The following EXT1 variants were observed in gnomAD, a reference collection of about 807,000 sequenced individuals.
The protein encoded by EXT1 is exostosin-1.
In EXT1, 20 loss-of-function variants were observed where a neutral mutation model predicts 82.5. That is an observed-to-expected ratio of 0.24 (90% CI 0.17 to 0.35). EXT1 has a LOEUF of 0.35. Ranked by LOEUF, EXT1 falls within the 10% of genes least tolerant of loss-of-function variation. The pLI, the probability that EXT1 is intolerant of heterozygous loss-of-function variation, is 1.00. For synonymous variants in EXT1, 348 were observed against 350.8 expected (o/e 0.99, Z 0.09); for missense variants, 757 against 936.5 (o/e 0.81, Z 2.50).
In EXT1 at chr8:117,995,450, G is replaced by A. The variant is rs17451196; in HGVS notation, c.962+114635C>T. ...ATTTTTCTGGATTGGTGACCTGCTG[G>A]GTATGCGGCTGGTTTTCAATATGCA... On this transcript the variant is annotated intron_variant, in intron 1 of 10. Transcript: ENST00000378204. Among the ~76,000 whole-genome samples the A allele has an allele frequency of 1.1e-4, 16 of 152,242 alleles. No homozygotes were observed. The East Asian group carries it at 3.1e-3, about 29-fold the overall frequency.
chr8:118,056,610 G>A (rs1009562824), intron 1 of EXT1, among the ~76,000 whole-genome samples: 1 of 152,170 alleles, frequency 6.6e-6, no homozygotes, highest in African/African-American at 2.4e-5. Context: ...GGGTGAAGGA[G>A]AGAAAGGTCT....
chr8:117,980,763 C>G (rs1815181376), intron 1 of EXT1, among the ~76,000 whole-genome samples: 1 of 131,182 alleles, frequency 7.6e-6, no homozygotes. Flanking sequence ...AAACTTCGCT[C>G]TGGTTTTCCA....
rs148928113 is a variant in EXT1 at position 117,944,191 on chromosome 8, C to G, written c.963-106990G>C. Among the ~76,000 whole-genome samples, 506 of 152,208 alleles carry G rather than the reference C, an allele frequency of 3.3e-3. 1 individual carries two copies. The highest frequency in any genetic ancestry group is 0.011 in the African/African-American group (470 of 41,528). ...CCCAGACAGGCAGATCACTTGAAGTCAGGAGACCAGCCTGGCCAACAGGGC... is the reference window on the plus strand; with the variant it reads ...CCCAGACAGGCAGATCACTTGAAGTGAGGAGACCAGCCTGGCCAACAGGGC... On this transcript the variant is annotated intron_variant, in intron 1 of 10. Transcript: ENST00000378204.
At chr8:118,045,887 C>G (rs28608716) in intron 1 of EXT1, among the ~76,000 whole-genome samples, 5,790 of 152,040 alleles carry the variant, frequency 0.038, 153 homozygotes, top group Middle Eastern at 0.068. Context: ...CCTTCAACTC[C>G]CAGGTTGAAG....
intron 1 of EXT1, among the ~76,000 whole-genome samples, chr8:117,943,857 T>C (rs912232636): frequency 1.3e-5 from 2 of 152,200 alleles, no homozygotes; most frequent in Non-Finnish European, 2.9e-5. Context: ...TCTTCTAGTG[T>C]CATTCCTGTT....
intron 1 of EXT1, among the ~76,000 whole-genome samples, chr8:118,024,536 A>G (rs1415359414): frequency 6.6e-6 from 1 of 152,210 alleles, no homozygotes; most frequent in East Asian, 1.9e-4. Context: ...AAAAGAAAAA[A>G]AAAAACAGCT....
intron 1 of EXT1, among the ~76,000 whole-genome samples, chr8:118,005,918 T>A (rs1815765958): frequency 6.6e-6 from 1 of 152,180 alleles, no homozygotes; most frequent in Non-Finnish European, 1.5e-5. Context: ...ACAAGAAGTG[T>A]CCATCAAAGC....
intron 1 of EXT1, among the ~76,000 whole-genome samples, chr8:117,925,803 T>C (rs1044293378): frequency 2.0e-5 from 3 of 148,844 alleles, no homozygotes; most frequent in African/African-American, 7.4e-5. Context: ...GAGGCTGAGG[T>C]GGGAGGATCA....
At chr8:118,081,946 A>C (rs1817340410) in intron 1 of EXT1, among the ~76,000 whole-genome samples, 1 of 152,214 alleles carries the variant, frequency 6.6e-6, no homozygotes, top group Non-Finnish European at 1.5e-5. Context: ...AGCCAGATAT[A>C]AGGTAAATAT....
Position 118,110,125 on chromosome 8 carries a change from T to G in EXT1, c.922A>C (p.Lys308Gln). Reference sequence around the variant, plus strand: ...TTGTCTCTGTCACAGCGAGAATCCTTGTGCTTTTGCCAGTCTTTGCCATGC... The same window carrying G: ...TTGTCTCTGTCACAGCGAGAATCCTGGTGCTTTTGCCAGTCTTTGCCATGC... ...CKHGKDWQKH[K>Q]DSRCDRDNTE... The change falls in exon 1 of 11, where the codon AAG becomes CAG. Residue 308 changes from lysine to glutamine, a missense_variant. Physicochemically the swap from Lys to Gln is moderately conservative, Grantham distance 53 (BLOSUM62 1). Coordinates refer to ENST00000378204, the MANE Select transcript of EXT1 (RefSeq NM_000127.3). 2 of 1,614,206 alleles carry G rather than the reference T, an allele frequency of 1.2e-6. No homozygotes were observed. The highest frequency in any genetic ancestry group is 1.7e-6 in the Non-Finnish European group (2 of 1,180,042).
chr8:118,018,429 G>C (rs968652242), intron 1 of EXT1, among the ~76,000 whole-genome samples: 5 of 152,260 alleles, frequency 3.3e-5, no homozygotes, highest in African/African-American at 1.2e-4. Flanking sequence ...CCAGAAGCTA[G>C]GCAAGAGATA....
rs150534283 is a variant in EXT1, at chr8:118,020,695, G to T, written c.962+89390C>A. ...ATAGTATTACATTATGGGTTAGCACGGATGAAGGAGAGGAGATCTCAGAGT... is the reference window on the plus strand; with the variant it reads ...ATAGTATTACATTATGGGTTAGCACTGATGAAGGAGAGGAGATCTCAGAGT... On this transcript the variant is annotated intron_variant, in intron 1 of 10. Coordinates refer to ENST00000378204, the MANE Select transcript of EXT1 (RefSeq NM_000127.3). Among the ~76,000 whole-genome samples, 373 of 152,216 alleles carry T rather than the reference G, an allele frequency of 2.5e-3. 3 individuals are homozygous for T. Among genetic ancestry groups the T allele is most frequent in the Middle Eastern group, 0.01 (3 of 294 alleles).
chr8:118,028,190 C>G (rs981011412), intron 1 of EXT1, among the ~76,000 whole-genome samples: 1 of 152,200 alleles, frequency 6.6e-6, no homozygotes, highest in Non-Finnish European at 1.5e-5. Context: ...GTGCCCATGC[C>G]TGGACGTCTG....
At position 117,949,491 on chromosome 8, in the gene EXT1, CAT is replaced by C. The variant is rs913666267; in HGVS notation, c.963-112292_963-112291del. The stretch of plus-strand genomic sequence containing the variant: ...ATATACACACACATACACACATATA[CAT>C]ATATATACATGTATATATGATATAT... On this transcript the variant is annotated intron_variant, in intron 1 of 10. Transcript: ENST00000378204. Among the ~76,000 whole-genome samples the C allele has an allele frequency of 1.4e-4, 21 of 149,100 alleles. No individual in the cohort carries two copies. In the South Asian group the frequency reaches 2.9e-3, roughly 21 times the overall value.
intron 1 of EXT1, among the ~76,000 whole-genome samples, chr8:118,010,631 A>G (rs971429053): frequency 1.3e-5 from 2 of 152,098 alleles, no homozygotes; most frequent in Non-Finnish European, 2.9e-5. Flanking sequence ...ATTAGCATTC[A>G]GGTCCTTTAG....
At chr8:117,946,055 A>C (rs1327363594) in intron 1 of EXT1, among the ~76,000 whole-genome samples, 4 of 152,150 alleles carry the variant, frequency 2.6e-5, no homozygotes, top group African/African-American at 9.7e-5. Context: ...GCGTGCCACC[A>C]TGCCCGGCTA....
intron 1 of EXT1, among the ~76,000 whole-genome samples, chr8:118,085,953 A>C (rs899233226): frequency 1.3e-5 from 2 of 152,228 alleles, no homozygotes; most frequent in Non-Finnish European, 2.9e-5. Context: ...TTAAGTGCTT[A>C]CTGTTTTTGG....
At chr8:117,854,065 C>T (rs972912602) in intron 1 of EXT1, among the ~76,000 whole-genome samples, 14 of 152,228 alleles carry the variant, frequency 9.2e-5, no homozygotes, top group Admixed American at 2.6e-4. Flanking sequence ...AGGCCTGGGC[C>T]GAGGTCCTAC....
intron 1 of EXT1, among the ~76,000 whole-genome samples, chr8:118,086,809 T>C (rs1392871765): frequency 1.3e-5 from 2 of 152,236 alleles, no homozygotes; most frequent in African/African-American, 4.8e-5. Flanking sequence ...GTACTTCTAC[T>C]TCCTGTAAGC....
Sources: allele counts gnomAD v4.1 joint callset (sites outside exome capture counted in the v4.1 genomes callset), GRCh38; gene constraint gnomAD v4.1.1; transcripts MANE v1.5; gene names NCBI Gene and HGNC (gene_info 2026-07-23, HGNC 2026-07-21).